MYO9B: variants seen among roughly 807,000 people sequenced by gnomAD.
The protein encoded by MYO9B is unconventional myosin-IXb.
In MYO9B, 71 loss-of-function variants were observed where a neutral mutation model predicts 229.5. The observed-to-expected ratio is 0.31, with a 90% CI of 0.26 to 0.38. MYO9B has a LOEUF of 0.38. MYO9B is among the 10% of genes least tolerant of loss of function. MYO9B has a pLI of 1.00. For synonymous variants in MYO9B, 1,185 were observed against 1,235.8 expected (o/e 0.96, Z 0.86); for missense variants, 2,255 against 2,920.5 (o/e 0.77, Z 5.25).
chr19:17,193,932 G>A lies in MYO9B; in HGVS notation c.3129-624G>A, dbSNP rs1267591814. ...TCACACCTGTAAGGCCAGCACTTTG[G>A]GAGGCCAAGGCAGGCAGATCACATG... On this transcript the variant is annotated intron_variant, in intron 21 of 39. Coordinates refer to ENST00000682292, the MANE Select transcript of MYO9B (RefSeq NM_004145.4). This position sits in a 1 kb window ranked among gnomAD's most constrained non-coding sequence, Gnocchi z 4.3. Among the ~76,000 whole-genome samples the A allele has an allele frequency of 2.0e-5, 3 of 152,146 alleles. No homozygotes were observed. The highest frequency in any genetic ancestry group is 4.8e-5 in the African/African-American group (2 of 41,420).
At chr19:17,139,179 A>G (rs927059727) in intron 2 of MYO9B, among the ~76,000 whole-genome samples, 2 of 152,060 alleles carry the variant, frequency 1.3e-5, no homozygotes, top group Non-Finnish European at 2.9e-5. Context: ...TCGATCTCAA[A>G]AAAAGCAAAA....
At chr19:17,082,416 A>G (rs1260514044) in intron 1 of MYO9B, among the ~76,000 whole-genome samples, 1 of 152,152 alleles carries the variant, frequency 6.6e-6, no homozygotes, top group Non-Finnish European at 1.5e-5. Flanking sequence ...GTGAAGTCAC[A>G]GCAGCACAGC....
chr19:17,126,043 C>T (rs4808573), intron 2 of MYO9B, among the ~76,000 whole-genome samples: 19,005 of 152,168 alleles, frequency 0.12, 1,375 homozygotes, highest in East Asian at 0.29. Context: ...CCACCCCCTT[C>T]GCAGGGTCTT....
chr19:17,198,008 C>T (rs563051486), intron 23 of MYO9B, 150 bp downstream of exon 23: 30 of 1,314,596 alleles, frequency 2.3e-5, no homozygotes, highest in Middle Eastern at 2.6e-4. Flanking sequence ...TAGTGAGCCT[C>T]GCGAGACCAG....
intron 1 of MYO9B, among the ~76,000 whole-genome samples, chr19:17,082,620 G>GC (rs1314042857): frequency 6.6e-6 from 1 of 152,162 alleles, no homozygotes; most frequent in Middle Eastern, 3.2e-3. Context: ...TGGTGAATGT[G>GC]CCATGGGGGG....
chr19:17,099,804 C>T (rs578119128), intron 1 of MYO9B, among the ~76,000 whole-genome samples: 2 of 103,532 alleles, frequency 1.9e-5, no homozygotes, highest in South Asian at 4.0e-4. Context: ...GGTGAAAAAG[C>T]GAGACTGTCT....
chr19:17,185,989 C>T lies in MYO9B; in HGVS notation c.2565C>T (p.Ser855=). 2 of 1,613,698 alleles carry T rather than the reference C, an allele frequency of 1.2e-6. No homozygotes were observed. Among genetic ancestry groups the T allele is most frequent in the Non-Finnish European group, 1.7e-6 (2 of 1,179,704 alleles). The change falls in exon 18 of 40, where the codon TCC becomes TCT. Residue 855 remains serine, a synonymous_variant. Coordinates refer to ENST00000682292, the MANE Select transcript of MYO9B (RefSeq NM_004145.4). ...CCTTCTTTATCCGCTGCATCCGTTC[C>T]AATGCTGAAAAGGTGAGTTTCTCTA... ...AEPFFIRCIR[S]NAEKKELCFD...
Position 17,200,382 on chromosome 19 carries a change from G to A in MYO9B, c.4328G>A (p.Gly1443Glu). The A allele has an allele frequency of 6.2e-7, 1 of 1,601,500 alleles. No individual in the cohort carries two copies. The change falls in exon 25 of 40, where the codon GGG becomes GAG. Residue 1443 changes from glycine to glutamate, a missense_variant. This residue lies in a region of MYO9B where 679 missense variants were observed against 770.2 expected (regional missense o/e 0.88). Transcript: ENST00000682292. Reference sequence around the variant, plus strand: ...GAGGAGCTGGAGAATGCAGTGTCCGGGCACGTGGTGCTGGAAGCCACCACC... The same window carrying A: ...GAGGAGCTGGAGAATGCAGTGTCCGAGCACGTGGTGCTGGAAGCCACCACC... ...GAEELENAVS[G>E]HVVLEATTMK...
intron 7 of MYO9B, among the ~76,000 whole-genome samples, chr19:17,158,701 G>A (rs561344978): frequency 8.5e-5 from 13 of 152,284 alleles, no homozygotes; most frequent in South Asian, 4.1e-4. Context: ...AGGGATGAGC[G>A]TGTCGGCTGT....
chr19:17,192,612 AT>A, intron 20 of MYO9B, 133 bp from the exon 21 acceptor site: 1 of 558,490 alleles, frequency 1.8e-6, no homozygotes, highest in Non-Finnish European at 2.8e-6. Context: ...TAATAAATAA[AT>A]AAATAAATAA....
intron 20 of MYO9B, among the ~76,000 whole-genome samples, chr19:17,192,102 C>G (rs373582026): frequency 6.6e-6 from 1 of 151,742 alleles, no homozygotes; most frequent in South Asian, 2.1e-4. Context: ...ATTACAGGTG[C>G]CCGCCACCAC....
At position 17,205,963 on chromosome 19, in the gene MYO9B, G is replaced by A. The variant is rs1440038781; in HGVS notation, c.5068G>A (p.Glu1690Lys). ...HCSYTYGRKG[E>K]PGVEPGHFGV... is the part of the protein sequence containing the mutation. ...ACCCCCAACCCCGGCACTGCAGGGC[G>A]AGCCAGGCGTTGAGCCTGGCCACTT... The change falls in exon 32 of 40, where the codon GAG (glutamate) becomes AAG (lysine). Residue 1690 changes from glutamate to lysine, a missense_variant. Transcript: ENST00000682292. 4.5e-6 allele frequency: 7 copies of A among 1,555,752 alleles called. No individual in the cohort carries two copies. The highest frequency in any genetic ancestry group is 6.1e-6 in the Non-Finnish European group (7 of 1,148,322).
intron 2 of MYO9B, among the ~76,000 whole-genome samples, chr19:17,115,932 CAG>C (rs1000963637): frequency 1.3e-5 from 2 of 152,132 alleles, no homozygotes; most frequent in Non-Finnish European, 2.9e-5. Context: ...TTTCCCCACA[CAG>C]AGTCATAAAG....
At chr19:17,105,319 C>CA (rs36000160) in intron 2 of MYO9B, among the ~76,000 whole-genome samples, 8,281 of 71,532 alleles carry the variant, frequency 0.12, 680 homozygotes, top group Non-Finnish European at 0.16. Context: ...CTGTCTCTAC[C>CA]AAAAAAAAAA....
At chr19:17,208,733 G>C (rs1454827919) in intron 35 of MYO9B, among the ~76,000 whole-genome samples, 2 of 152,186 alleles carry the variant, frequency 1.3e-5, no homozygotes, top group African/African-American at 4.8e-5. Context: ...GATGATAGGT[G>C]AATGGTAGTG....
In MYO9B at chr19:17,102,563, C is replaced by A; in HGVS notation, c.840+6C>A. On this transcript the variant is annotated splice_donor_region_variant and intron_variant, in intron 2 of 39. Coordinates refer to ENST00000682292, the MANE Select transcript of MYO9B (RefSeq NM_004145.4). The stretch of plus-strand genomic sequence containing the variant: ...GTGCTGGCCCTGTGCTGGAGGTGAG[C>A]GGGGAAGCTGGTCGGTCTGTGGGAG... The A allele has an allele frequency of 6.4e-7, 1 of 1,571,960 alleles. No individual in the cohort carries two copies. The highest frequency in any genetic ancestry group is 1.1e-5 in the South Asian group (1 of 87,960).
chr19:17,142,135 C>T (rs1465169856), intron 2 of MYO9B, among the ~76,000 whole-genome samples: 2 of 149,952 alleles, frequency 1.3e-5, no homozygotes, highest in Non-Finnish European at 3.0e-5. Flanking sequence ...GCTATGATTA[C>T]ACCACTGGGC....
At chr19:17,198,338 C>T (rs761545950) in intron 24 of MYO9B, 30 bp downstream of exon 24, 1 of 1,610,648 alleles carries the variant, frequency 6.2e-7, no homozygotes, top group Admixed American at 1.7e-5. Flanking sequence ...GAAACTCAGG[C>T]CACCAGAGGA....
At chr19:17,122,438 C>T (rs987634862) in intron 2 of MYO9B, among the ~76,000 whole-genome samples, 1 of 152,062 alleles carries the variant, frequency 6.6e-6, no homozygotes, top group Non-Finnish European at 1.5e-5. Context: ...ACTCAGGAGG[C>T]TGAGGCAGGA....
Sources: gnomAD v4.1 joint callset for allele counts (sites outside exome capture counted in the v4.1 genomes callset) on GRCh38, gnomAD v4.1.1 for gene constraint, gnomAD v4.1.1 regional missense constraint, Gnocchi (gnomAD v3.1) non-coding constraint, MANE v1.5 for transcripts, NCBI Gene and HGNC (gene_info 2026-07-23, HGNC 2026-07-21) for gene names.